RPA3: variants seen among roughly 807,000 people sequenced by gnomAD.
RPA3 encodes the protein replication protein A 14 kDa subunit.
In RPA3, 24 loss-of-function variants were observed where a neutral mutation model predicts 13.7. The observed-to-expected ratio is 1.75, with a 90% confidence interval of 1.27 to 2.46. The LOEUF is 2.46. Ranked by LOEUF, RPA3 falls within the 30% of genes most tolerant of loss-of-function variation. RPA3 has a pLI of 0.00. For missense variants in RPA3, 183 were observed against 151.0 expected, an observed-to-expected ratio of 1.21 and a Z score of -1.11; for synonymous variants, 59 against 51.2, an observed-to-expected ratio of 1.15 and a Z score of -0.65.
chr7:7,648,807 C>T (rs1453891419), intron 4 of RPA3, among the ~76,000 whole-genome samples: 4 of 151,038 alleles, frequency 2.6e-5, no homozygotes, highest in Non-Finnish European at 4.4e-5. Context: ...GAGCTAAGAT[C>T]GTGTCACTGT....
intron 4 of RPA3, among the ~76,000 whole-genome samples, chr7:7,666,145 T>G (rs548766342): frequency 1.6e-4 from 24 of 152,270 alleles, no homozygotes; most frequent in Admixed American, 3.3e-4. Flanking sequence ...TTCCAGTTGC[T>G]CCATATCTTT....
intron 4 of RPA3, among the ~76,000 whole-genome samples, chr7:7,665,948 G>T (rs1182663173): frequency 6.6e-6 from 1 of 151,476 alleles, no homozygotes; most frequent in Non-Finnish European, 1.5e-5. Context: ...GGACATTTGG[G>T]TTGTTTCCAT....
At chr7:7,691,648 A>G (rs1006305724) in intron 2 of RPA3, among the ~76,000 whole-genome samples, 3 of 152,168 alleles carry the variant, frequency 2.0e-5, no homozygotes, top group South Asian at 2.1e-4. Context: ...AGTAAATTGG[A>G]TTTTTATCTC....
chr7:7,669,360 C>G (rs1779548868), intron 4 of RPA3, among the ~76,000 whole-genome samples: 1 of 152,122 alleles, frequency 6.6e-6, no homozygotes, highest in Non-Finnish European at 1.5e-5. Flanking sequence ...GGCAGGGTAA[C>G]TAAATCTTGC....
chr7:7,677,534 A>T (rs1398820123), intron 4 of RPA3, among the ~76,000 whole-genome samples: 2 of 152,042 alleles, frequency 1.3e-5, no homozygotes, highest in African/African-American at 4.8e-5. Flanking sequence ...GCTTTATTTC[A>T]CTTTACATGA....
intron 4 of RPA3, among the ~76,000 whole-genome samples, chr7:7,653,062 A>G (rs1417933144): frequency 6.6e-6 from 1 of 152,206 alleles, no homozygotes; most frequent in African/African-American, 2.4e-5. Context: ...CTCCCTTAGG[A>G]CATTATTTAG....
intron 4 of RPA3, among the ~76,000 whole-genome samples, chr7:7,642,051 G>A (rs1784985663): frequency 6.6e-6 from 1 of 152,196 alleles, no homozygotes; most frequent in Non-Finnish European, 1.5e-5. Context: ...TTATATTACA[G>A]CTTTAAGTCT....
chr7:7,693,295 T>TTGTCTATC (rs1554315943), intron 2 of RPA3, among the ~76,000 whole-genome samples: 1 of 148,886 alleles, frequency 6.7e-6, no homozygotes, highest in Non-Finnish European at 1.5e-5. Context: ...TAAAATATCT[T>TTGTCTATC]TATCTATCTA....
At chr7:7,700,641 A>G (rs1780437816) in intron 2 of RPA3, among the ~76,000 whole-genome samples, 1 of 152,230 alleles carries the variant, frequency 6.6e-6, no homozygotes, top group African/African-American at 2.4e-5. Flanking sequence ...TAATCCTAGT[A>G]CTTTGGGAGG....
intron 2 of RPA3, chr7:7,692,485 A>C (rs1780194977): frequency 6.6e-6 from 1 of 152,246 alleles, no homozygotes; most frequent in Non-Finnish European, 1.5e-5. Context: ...ATTTATATTC[A>C]TACAGTCTTT....
intron 4 of RPA3, among the ~76,000 whole-genome samples, chr7:7,679,624 T>C (rs1779851135): frequency 1.8e-5 from 1 of 55,632 alleles, no homozygotes; most frequent in Non-Finnish European, 3.0e-5. Context: ...GATAAATATA[T>C]ATTTATATAT....
chr7:7,692,217 G>A (rs1256542132), intron 2 of RPA3: 1 of 152,334 alleles, frequency 6.6e-6, no homozygotes, highest in Non-Finnish European at 1.5e-5. Context: ...TGGTGGTGGT[G>A]GTGGTGGAGG....
chr7:7,683,684 A>T (rs534252359), intron 4 of RPA3, among the ~76,000 whole-genome samples: 2 of 151,094 alleles, frequency 1.3e-5, no homozygotes, highest in African/African-American at 4.9e-5. Flanking sequence ...GTGCAGTGGC[A>T]TGGTCTCTGT....
At chr7:7,690,930 C>T (rs747178621) in intron 2 of RPA3, among the ~76,000 whole-genome samples, 55 of 151,994 alleles carry the variant, frequency 3.6e-4, no homozygotes, top group Admixed American at 2.6e-3. Flanking sequence ...GTTTTAGGTC[C>T]AGATATATTT....
intron 4 of RPA3, among the ~76,000 whole-genome samples, chr7:7,653,546 T>C (rs1785274016): frequency 6.6e-6 from 1 of 152,250 alleles, no homozygotes; most frequent in Admixed American, 6.5e-5. Flanking sequence ...CTGACTGAAG[T>C]GCATCACGCA....
chr7:7,669,340 A>G (rs935859030), intron 4 of RPA3, among the ~76,000 whole-genome samples: 4 of 152,118 alleles, frequency 2.6e-5, no homozygotes, highest in African/African-American at 9.7e-5. Flanking sequence ...CTTTCCAGTT[A>G]CTAGTCTTAG....
intron 4 of RPA3, among the ~76,000 whole-genome samples, chr7:7,656,559 A>G (rs1034098940): frequency 6.7e-6 from 1 of 150,336 alleles, no homozygotes; most frequent in Non-Finnish European, 1.5e-5. Context: ...AAGTGAAAAC[A>G]TGTGGTGTTT....
intron 2 of RPA3, among the ~76,000 whole-genome samples, chr7:7,694,312 A>T (rs1252116497): frequency 6.6e-6 from 1 of 152,184 alleles, no homozygotes; most frequent in Non-Finnish European, 1.5e-5. Context: ...ATACACATAT[A>T]ATAATCACAT....
rs959311856 is a variant in RPA3, at chr7:7,636,762, G to A, written c.*238C>T. On this transcript the variant is annotated 3_prime_UTR_variant, in exon 8 of 8. Coordinates refer to ENST00000223129, the MANE Select transcript of RPA3 (RefSeq NM_002947.5). The stretch of plus-strand genomic sequence containing the variant: ...ATTAATAAAATAGAAACTTAGACTC[G>A]GACAACTGCTTTATTCTTGCATCTA... 5.2e-5 allele frequency: 21 copies of A among 401,740 alleles called. No homozygotes were observed. Among genetic ancestry groups the A allele is most frequent in the South Asian group, 1.4e-4 (3 of 21,846 alleles). The allele number at this position is 401,740 out of a possible 1,614,324, so 24.9% of individuals were successfully genotyped here. A position where few individuals can be genotyped will look rare whatever the true frequency, so the allele number is the denominator to read the frequency against.
Sources: gnomAD v4.1 joint callset for allele counts (sites outside exome capture counted in the v4.1 genomes callset) on GRCh38, gnomAD v4.1.1 for gene constraint, MANE v1.5 for transcripts, NCBI Gene and HGNC (gene_info 2026-07-23, HGNC 2026-07-21) for gene names.